RPL28: variants seen among roughly 807,000 people sequenced by gnomAD.
RPL28 encodes large ribosomal subunit protein eL28.
In RPL28, 4 loss-of-function variants were observed where a neutral mutation model predicts 12.5. The ratio of observed to expected loss-of-function variants is 0.32; its 90% CI spans 0.16 to 0.73. The LOEUF (loss-of-function observed/expected upper bound fraction) is 0.73. Ranked by LOEUF, RPL28 falls within the 30% of genes least tolerant of loss-of-function variation. The pLI is 0.66. For synonymous variants in RPL28, 91 were observed against 72.5 expected (o/e 1.26, Z -1.30); for missense variants, 214 against 197.7 (o/e 1.08, Z -0.49).
downstream of RPL28, among the ~76,000 whole-genome samples, chr19:55,392,584 G>A (rs2089998291): frequency 6.7e-6 from 1 of 149,652 alleles, no homozygotes; most frequent in Admixed American, 6.6e-5. Flanking sequence ...CCAGGCTGGA[G>A]TGCAGTGGCG....
In RPL28 at chr19:55,390,457, A is replaced by C; in HGVS notation, c.*2125A>C. On this transcript the variant is annotated 3_prime_UTR_variant, in exon 5 of 5. Coordinates refer to ENST00000344063, the MANE Select transcript of RPL28 (RefSeq NM_000991.5). ...TGACTTCAAATTACCCACCTGCCTC[A>C]GCCTCCCAAAGTGCTGGCATTACAG... 1.0e-6 allele frequency: 1 copy of C among 985,156 alleles called. No individual in the cohort carries two copies. Among genetic ancestry groups the C allele is most frequent in the Non-Finnish European group, 1.2e-6 (1 of 829,702 alleles). 61.0% of individuals were successfully genotyped at this position (985,156 alleles called of 1,614,324 possible). A position where few individuals can be genotyped will look rare whatever the true frequency, so the allele number is the denominator to read the frequency against.
downstream of RPL28, among the ~76,000 whole-genome samples, chr19:55,395,183 CTGGAGTACAGTGG>C (rs1569044902): frequency 1.3e-5 from 2 of 152,060 alleles, no homozygotes; most frequent in Non-Finnish European, 2.9e-5. Flanking sequence ...GTCGCCCAGG[CTGGAGTACAGTGG>C]TGCGATCTCG....
chr19:55,398,509 A>G (rs1362408840), intron 4 of RPL28, among the ~76,000 whole-genome samples: 2 of 152,222 alleles, frequency 1.3e-5, no homozygotes, highest in African/African-American at 4.8e-5. Flanking sequence ...TTCTAGGAGT[A>G]TAATGGCATC....
intron 4 of RPL28, among the ~76,000 whole-genome samples, chr19:55,402,035 T>G (rs1320266693): frequency 1.3e-5 from 2 of 152,222 alleles, no homozygotes; most frequent in Non-Finnish European, 2.9e-5. Context: ...TGGAACTTGC[T>G]GGGTAACGGG....
chr19:55,390,017 C>A lies in RPL28; in HGVS notation c.*1685C>A, dbSNP rs925135605. The A allele has an allele frequency of 4.1e-6, 4 of 985,484 alleles. No homozygotes were observed. Among genetic ancestry groups the A allele is most frequent in the Non-Finnish European group, 4.8e-6 (4 of 829,944 alleles). 61.0% of individuals were successfully genotyped at this position (985,484 alleles called of 1,614,324 possible). ...GATGGCCCCTTCTCGTGAGGCCTCT[C>A]CCCTGGCACCTGCTTCAGTTGTCCT... On this transcript the variant is annotated 3_prime_UTR_variant, in exon 5 of 5. Coordinates refer to ENST00000344063, the MANE Select transcript of RPL28 (RefSeq NM_000991.5).
In RPL28 at chr19:55,391,615, G is replaced by A; in HGVS notation, c.*3283G>A. ...TCGGTGGCTGTGCAACCTTGGGCAA[G>A]TTCCTCAACCTCTCTGTGTCTTCGT... On this transcript the variant is annotated 3_prime_UTR_variant, in exon 5 of 5. Coordinates refer to ENST00000344063, the MANE Select transcript of RPL28 (RefSeq NM_000991.5). 1 of 1,548,334 alleles carries A rather than the reference G, an allele frequency of 6.5e-7. No individual in the cohort carries two copies. Among genetic ancestry groups the A allele is most frequent in the Non-Finnish European group, 8.7e-7 (1 of 1,143,954 alleles).
Position 55,390,389 on chromosome 19 carries a change from G to C in RPL28, c.*2057G>C. On this transcript the variant is annotated 3_prime_UTR_variant, in exon 5 of 5. Coordinates refer to ENST00000344063, the MANE Select transcript of RPL28 (RefSeq NM_000991.5). ...CCAGCTCAGTATTGTATTTTTAGCA[G>C]AGATGGGGTTTCACCATTTTGCCCA... is the stretch of plus-strand genomic sequence containing the variant. The C allele has an allele frequency of 1.2e-6, 1 of 852,780 alleles. No individual in the cohort carries two copies. The highest frequency in any genetic ancestry group is 1.4e-6 in the Non-Finnish European group (1 of 709,080). The allele number at this position is 852,780 out of a possible 1,614,324, so 52.8% of individuals were successfully genotyped here.
In RPL28 at chr19:55,390,917, A is replaced by T; in HGVS notation, c.*2585A>T. 1 of 985,474 alleles carries T rather than the reference A, an allele frequency of 1.0e-6. No homozygotes were observed. The highest frequency in any genetic ancestry group is 1.2e-6 in the Non-Finnish European group (1 of 829,950). 61.0% of individuals were successfully genotyped at this position (985,474 alleles called of 1,614,324 possible). ...GATGTTGGATGGGGCCATCTATTCC[A>T]GCTTTATTCACACAAATCATGTCTG... is the stretch of plus-strand genomic sequence containing the variant. On this transcript the variant is annotated 3_prime_UTR_variant, in exon 5 of 5. Transcript: ENST00000344063.
intron 4 of RPL28, 52 bp from the exon 5 acceptor site, chr19:55,388,191 G>A: frequency 6.6e-7 from 1 of 1,511,444 alleles, no homozygotes; most frequent in East Asian, 2.4e-5. Context: ...TGGCCTAGGG[G>A]GCGGCTTGTG....
intron 4 of RPL28, chr19:55,402,880 C>A: frequency 7.2e-7 from 1 of 1,387,442 alleles, no homozygotes; most frequent in Admixed American, 2.3e-5. Flanking sequence ...CCCAATTCCC[C>A]ACCCTCTCTG....
intron 3 of RPL28, chr19:55,387,442 T>C: frequency 3.3e-6 from 5 of 1,516,864 alleles, no homozygotes; most frequent in Non-Finnish European, 4.4e-6. Flanking sequence ...GGGGACCCCG[T>C]TCTGGGGAGT....
At position 55,391,051 on chromosome 19, in the gene RPL28, A is replaced by G; in HGVS notation, c.*2719A>G. ...AGCCAAAGACAAAATTGGGAGAACAAAAGAAAAGCGTCTTGTCACATACAG... is the reference window on the plus strand; with the variant it reads ...AGCCAAAGACAAAATTGGGAGAACAGAAGAAAAGCGTCTTGTCACATACAG... On this transcript the variant is annotated 3_prime_UTR_variant, in exon 5 of 5. Transcript: ENST00000344063. The G allele has an allele frequency of 1.3e-6, 1 of 764,070 alleles. No homozygotes were observed. Among genetic ancestry groups the G allele is most frequent in the Non-Finnish European group, 1.6e-6 (1 of 627,762 alleles). 47.3% of individuals were successfully genotyped at this position (764,070 alleles called of 1,614,324 possible).
At chr19:55,394,314 C>T (rs905228015), downstream of RPL28, among the ~76,000 whole-genome samples, 1 of 152,204 alleles carries the variant, frequency 6.6e-6, no homozygotes, top group Admixed American at 6.5e-5. Context: ...GGCTGGAGTG[C>T]TGTGGCACAA....
chr19:55,401,851 T>A, intron 4 of RPL28: 1 of 1,384,546 alleles, frequency 7.2e-7, no homozygotes, highest in Non-Finnish European at 1.0e-6. Flanking sequence ...GCACTGGCTG[T>A]TCCTTCTGCT....
At chr19:55,399,898 G>A (rs562034124) in intron 4 of RPL28, 1 of 152,326 alleles carries the variant, frequency 6.6e-6, no homozygotes, top group East Asian at 1.9e-4. Context: ...TTTCTTGGAT[G>A]GCCAGTGATG....
intron 4 of RPL28, chr19:55,401,494 T>C (rs757414025): frequency 3.1e-6 from 5 of 1,609,576 alleles, no homozygotes; most frequent in South Asian, 1.1e-5. Flanking sequence ...CAGCTTCTTA[T>C]CGCGCTCGCC....
intron 4 of RPL28, chr19:55,401,016 G>C (rs2090053148): frequency 4.8e-6 from 1 of 210,402 alleles, no homozygotes; most frequent in Non-Finnish European, 9.7e-6. Flanking sequence ...GTATAGGGCA[G>C]TGCCGCTCAG....
chr19:55,388,175 C>T (rs750749994), intron 4 of RPL28, 68 bp from the exon 5 acceptor site: 3 of 1,532,822 alleles, frequency 2.0e-6, no homozygotes, highest in African/African-American at 1.4e-5. Context: ...TCCCCACACC[C>T]AGCATTGGCC....
chr19:55,388,490 G>A lies in RPL28; in HGVS notation c.*158G>A. Reference sequence around the variant, plus strand: ...GTCACCTTGTCCATCTGGAGGTGATGTCAATGGCTGGCCATGCAGGAGGGG... The same window carrying A: ...GTCACCTTGTCCATCTGGAGGTGATATCAATGGCTGGCCATGCAGGAGGGG... On this transcript the variant is annotated 3_prime_UTR_variant, in exon 5 of 5. Coordinates refer to ENST00000344063, the MANE Select transcript of RPL28 (RefSeq NM_000991.5). 7.6e-7 allele frequency: 1 copy of A among 1,319,312 alleles called. No homozygotes were observed. The highest frequency in any genetic ancestry group is 1.5e-5 in the African/African-American group (1 of 65,712). The allele number at this position is 1,319,312 out of a possible 1,614,324, so 81.7% of individuals were successfully genotyped here.
Sources: allele counts gnomAD v4.1 joint callset (sites outside exome capture counted in the v4.1 genomes callset), GRCh38; gene constraint gnomAD v4.1.1; transcripts MANE v1.5; gene names NCBI Gene and HGNC (gene_info 2026-07-23, HGNC 2026-07-21).